CNOT4: variants seen among roughly 807,000 people sequenced by gnomAD.
CNOT4 encodes the protein CCR4-associated factor 4.
A neutral mutation model predicts 73.8 loss-of-function variants in CNOT4; 8 were observed. The ratio of observed to expected loss-of-function variants is 0.11; its 90% CI spans 0.06 to 0.20. The LOEUF is 0.20. Among genes scored for constraint, CNOT4 ranks in the 10% least tolerant of loss-of-function variants. CNOT4 has a pLI of 1.00. For missense variants in CNOT4, 564 were observed against 883.4 expected, an observed-to-expected ratio of 0.64 and a Z score of 4.58; for synonymous variants, 293 against 321.1, an observed-to-expected ratio of 0.91 and a Z score of 0.94.
In CNOT4 at chr7:135,444,384, G is replaced by A. The variant is rs1799686515; in HGVS notation, c.-92-5961C>T. Reference sequence around the variant, plus strand: ...GTAATCCAAGTGTCCATCAATGGAGGCATACACAAAATGTGGTATATCCAT... The same window carrying A: ...GTAATCCAAGTGTCCATCAATGGAGACATACACAAAATGTGGTATATCCAT... On this transcript the variant is annotated intron_variant, in intron 1 of 11. Transcript: ENST00000541284. The A allele has an allele frequency of 6.2e-5, 43 of 697,692 alleles. 2 individuals are homozygous for A. The highest frequency in any genetic ancestry group is 6.1e-4 in the South Asian group (41 of 67,292). 43.2% of individuals were successfully genotyped at this position (697,692 alleles called of 1,614,324 possible). A position where few individuals can be genotyped will look rare whatever the true frequency, so the allele number is the denominator to read the frequency against.
chr7:135,410,072 T>G (rs1797509918), intron 7 of CNOT4, among the ~76,000 whole-genome samples: 1 of 152,130 alleles, frequency 6.6e-6, no homozygotes, highest in Non-Finnish European at 1.5e-5. Context: ...ATGACTTTAG[T>G]GATTCCTGGA....
In CNOT4 at chr7:135,495,276, G is replaced by A. The variant is rs1358704544; in HGVS notation, c.-93+14613C>T. Among the ~76,000 whole-genome samples, 7 of 152,170 alleles carry A rather than the reference G, an allele frequency of 4.6e-5. No individual in the cohort carries two copies. In the East Asian group the frequency reaches 5.8e-4, roughly 13 times the overall value. On this transcript the variant is annotated intron_variant, in intron 1 of 11. Coordinates refer to ENST00000541284, the MANE Select transcript of CNOT4 (RefSeq NM_001190850.2). Reference sequence around the variant, plus strand: ...TCCCAGCACTTTGGGAGGCCAAGGCGGGTAGATTACCTGAGGTCAGGAGTT... The same window carrying A: ...TCCCAGCACTTTGGGAGGCCAAGGCAGGTAGATTACCTGAGGTCAGGAGTT...
intron 7 of CNOT4, among the ~76,000 whole-genome samples, chr7:135,404,823 G>T (rs1448519272): frequency 6.6e-6 from 1 of 151,970 alleles, no homozygotes; most frequent in Non-Finnish European, 1.5e-5. Context: ...ATCCATTACT[G>T]CCACCAATCT....
chr7:135,504,484 T>TTC (rs1554447779), intron 1 of CNOT4, among the ~76,000 whole-genome samples: 1 of 67,034 alleles, frequency 1.5e-5, no homozygotes, highest in Non-Finnish European at 2.8e-5. Context: ...TTTTTTTTTT[T>TTC]TTTTTATTTT....
At chr7:135,445,431 G>A (rs779984843) in intron 1 of CNOT4, among the ~76,000 whole-genome samples, 2 of 152,052 alleles carry the variant, frequency 1.3e-5, no homozygotes, top group South Asian at 2.1e-4. Flanking sequence ...CATATACCAG[G>A]GAAATTTTAA....
At chr7:135,396,677 TATTTAATTCAG>T (rs1245786188) in intron 8 of CNOT4, among the ~76,000 whole-genome samples, 1 of 152,130 alleles carries the variant, frequency 6.6e-6, no homozygotes, top group Non-Finnish European at 1.5e-5. Context: ...GATTCTTAGG[TATTTAATTCAG>T]AAGAAATTGA....
At chr7:135,400,662 G>A (rs1356884745) in intron 7 of CNOT4, among the ~76,000 whole-genome samples, 1 of 152,066 alleles carries the variant, frequency 6.6e-6, no homozygotes, top group Non-Finnish European at 1.5e-5. Context: ...ATATCACTTT[G>A]TCCACCATCC....
rs1794719812 is a variant in CNOT4 at position 135,362,987 on chromosome 7, A to T, written c.2040T>A (p.Pro680=). 6.2e-7 allele frequency: 1 copy of T among 1,612,302 alleles called. No homozygotes were observed. The highest frequency in any genetic ancestry group is 1.7e-5 in the Admixed American group (1 of 59,864). The change falls in exon 12 of 12, where the codon CCT becomes CCA. Residue 680 remains proline, a synonymous_variant. Transcript: ENST00000541284. ...CTGGGGGTGGGGAGTGGAAGCTGGA[A>T]GGGTTTGAAGGAGGAGGGTAGGGAT... The part of the protein sequence containing the change: ...SWNPYPPPSN[P]SSFHSPPPGF...
chr7:135,470,771 C>T (rs886720661), intron 1 of CNOT4, among the ~76,000 whole-genome samples: 4 of 152,162 alleles, frequency 2.6e-5, no homozygotes, highest in African/African-American at 9.7e-5. Context: ...AACTCCATAA[C>T]AGCCACAACT....
At chr7:135,419,771 G>A (rs1187205572) in intron 3 of CNOT4, among the ~76,000 whole-genome samples, 4 of 151,854 alleles carry the variant, frequency 2.6e-5, no homozygotes, top group Non-Finnish European at 2.9e-5. Context: ...TAAAAAACAC[G>A]ATGGCTCACA....
At chr7:135,404,989 T>C (rs1040496055) in intron 7 of CNOT4, among the ~76,000 whole-genome samples, 4 of 152,168 alleles carry the variant, frequency 2.6e-5, no homozygotes, top group Non-Finnish European at 4.4e-5. Flanking sequence ...GCAAATTTGA[T>C]TTATGTTTTA....
rs754778391 is a variant in CNOT4 at position 135,504,295 on chromosome 7, A to AT, written c.-93+5593dup. The stretch of plus-strand genomic sequence containing the variant: ...AAAAGCAGTAATATAAGATCTACTA[A>AT]TTTTTTTTTTTTTTTTTGGAGACAA... On this transcript the variant is annotated intron_variant, in intron 1 of 11. Transcript: ENST00000541284. Among the ~76,000 whole-genome samples the AT allele has an allele frequency of 7.0e-3, 993 of 140,856 alleles. 8 individuals carry two copies. The highest frequency in any genetic ancestry group is 0.016 in the African/African-American group (635 of 38,640). The allele number at this position is 140,856 out of a possible 152,430, so 92.4% of individuals were successfully genotyped here.
Position 135,490,789 on chromosome 7 carries a change from A to C in CNOT4, c.-93+19100T>G, listed in dbSNP as rs545546868. 3.3e-5 allele frequency among the ~76,000 whole-genome samples: 5 copies of C among 152,336 alleles called. No individual in the cohort carries two copies. In the South Asian group the frequency reaches 1.0e-3, roughly 32 times the overall value. On this transcript the variant is annotated intron_variant, in intron 1 of 11. Transcript: ENST00000541284. ...GTAGTACAAAATCTCTTGCCATATG[A>C]CTTAAATTTTCAAAGGATCTTTTTG...
intron 1 of CNOT4, among the ~76,000 whole-genome samples, chr7:135,459,763 T>C (rs1317758499): frequency 6.6e-6 from 1 of 152,296 alleles, no homozygotes; most frequent in East Asian, 1.9e-4. Context: ...TAACCCCTAA[T>C]AAGAGTCAGC....
At chr7:135,447,261 T>C (rs778673300) in intron 1 of CNOT4, among the ~76,000 whole-genome samples, 2 of 152,240 alleles carry the variant, frequency 1.3e-5, no homozygotes, top group Non-Finnish European at 2.9e-5. Flanking sequence ...AGAGTAGCTA[T>C]GAACAGTGTG....
chr7:135,400,969 A>G (rs1267010410), intron 7 of CNOT4, among the ~76,000 whole-genome samples: 1 of 152,216 alleles, frequency 6.6e-6, no homozygotes, highest in Admixed American at 6.5e-5. Context: ...TTATAGTTAC[A>G]CCTGATATTA....
chr7:135,470,237 C>G (rs1180623336), intron 1 of CNOT4, among the ~76,000 whole-genome samples: 1 of 152,016 alleles, frequency 6.6e-6, no homozygotes, highest in Non-Finnish European at 1.5e-5. Context: ...TCAAGCAATC[C>G]TCCCACCTCA....
chr7:135,488,673 A>T (rs1802902348), intron 1 of CNOT4, among the ~76,000 whole-genome samples: 1 of 152,232 alleles, frequency 6.6e-6, no homozygotes, highest in Non-Finnish European at 1.5e-5. Flanking sequence ...CCTCGTATGT[A>T]ACTTTTTCAA....
At chr7:135,396,000 A>C (rs569361746) in intron 8 of CNOT4, 117 bp from the exon 9 acceptor site, 7 of 641,306 alleles carry the variant, frequency 1.1e-5, no homozygotes, top group Admixed American at 8.7e-5. Flanking sequence ...GTACTTGAAG[A>C]TGTTTTAATG....
Sources: gnomAD v4.1 joint callset for allele counts (sites outside exome capture counted in the v4.1 genomes callset) on GRCh38, gnomAD v4.1.1 for gene constraint, MANE v1.5 for transcripts, NCBI Gene and HGNC (gene_info 2026-07-23, HGNC 2026-07-21) for gene names.